BIRC3: variants seen among roughly 807,000 people sequenced by gnomAD.
BIRC3 encodes baculoviral IAP repeat containing 3.
Under a neutral mutation model 59.0 loss-of-function variants are expected in BIRC3, and 26 were observed. The observed-to-expected ratio is 0.44, with a 90% CI of 0.32 to 0.61. BIRC3 has a LOEUF of 0.61. Among genes scored for constraint, BIRC3 ranks in the 20% least tolerant of loss-of-function variants. The pLI is 0.04. For missense variants in BIRC3, 641 were observed against 711.5 expected, an observed-to-expected ratio of 0.90 and a Z score of 1.13; for synonymous variants, 243 against 249.2, an observed-to-expected ratio of 0.98 and a Z score of 0.24.
At chr11:102,331,854 T>C (rs1951145512) in intron 6 of BIRC3, among the ~76,000 whole-genome samples, 1 of 152,152 alleles carries the variant, frequency 6.6e-6, no homozygotes, top group African/African-American at 2.4e-5. Flanking sequence ...TTGGCCACAC[T>C]GGTCTCAAAC....
Position 102,323,271 on chromosome 11 carries a change from G to A in BIRC3, c.-1239G>A. On this transcript the variant is annotated 5_prime_UTR_variant, in exon 2 of 9. Transcript: ENST00000263464. ...TATCTTAAGAAAATTTTTAACAAAGGGAATGAAATATATATCATGATTCTG... is the reference window on the plus strand; with the variant it reads ...TATCTTAAGAAAATTTTTAACAAAGAGAATGAAATATATATCATGATTCTG... 1.0e-5 allele frequency: 2 copies of A among 194,572 alleles called. No individual in the cohort carries two copies. Among genetic ancestry groups the A allele is most frequent in the Admixed American group, 6.1e-5 (1 of 16,430 alleles). 12.1% of individuals were successfully genotyped at this position (194,572 alleles called of 1,614,324 possible).
rs1378127767 is a variant in BIRC3 at position 102,331,003 on chromosome 11, C to A, written c.1086C>A (p.Ile362=). Residue 362 remains isoleucine (I), a synonymous_variant, in exon 6 of 9, where the codon ATC becomes ATA. Transcript: ENST00000263464. ...TAAATTCTTTGTTCCATATAGTTATCCATTTTGAACCTGGAGAAGACCATT... is the reference window on the plus strand; with the variant it reads ...TAAATTCTTTGTTCCATATAGTTATACATTTTGAACCTGGAGAAGACCATT... ...PGDENAESSI[I]HFEPGEDHSE... 6.2e-7 allele frequency: 1 copy of A among 1,609,316 alleles called. No individual in the cohort carries two copies. Among genetic ancestry groups the A allele is most frequent in the Non-Finnish European group, 8.5e-7 (1 of 1,178,346 alleles).
chr11:102,320,586 T>A (rs992314421), intron 1 of BIRC3, among the ~76,000 whole-genome samples: 2 of 152,236 alleles, frequency 1.3e-5, no homozygotes, highest in East Asian at 1.9e-4. Context: ...CTCTTTTAAA[T>A]GAAAGCATAC....
intron 4 of BIRC3, among the ~76,000 whole-genome samples, chr11:102,328,580 G>GTA (rs1338478196): frequency 1.3e-5 from 2 of 152,032 alleles, no homozygotes; most frequent in Non-Finnish European, 2.9e-5. Flanking sequence ...CCCAGGGTAG[G>GTA]TAAGACCTGT....
At chr11:102,329,365 C>G (rs1951115960) in intron 5 of BIRC3, among the ~76,000 whole-genome samples, 1 of 152,136 alleles carries the variant, frequency 6.6e-6, no homozygotes, top group Non-Finnish European at 1.5e-5. Flanking sequence ...CGCTGAGGCT[C>G]AGAAAGGTTA....
At chr11:102,318,022 A>C in intron 1 of BIRC3, among the ~76,000 whole-genome samples, 1 of 152,304 alleles carries the variant, frequency 6.6e-6, no homozygotes, top group East Asian at 1.9e-4. Flanking sequence ...CTTCCTGGTG[A>C]TCAGCATGGA....
rs1951194203 is a variant in BIRC3, at chr11:102,336,141, A to C, written c.1500A>C (p.Leu500Phe). The C allele has an allele frequency of 3.1e-6, 5 of 1,613,920 alleles. No homozygotes were observed. The highest frequency in any genetic ancestry group is 1.7e-5 in the Admixed American group (1 of 60,016). ...CAAGAGAACTGATTGATACGATTTTAGTAAAAGGAAATATTGCAGCCACTG... is the reference window on the plus strand; with the variant it reads ...CAAGAGAACTGATTGATACGATTTTCGTAAAAGGAAATATTGCAGCCACTG... ...LQARELIDTI[L>F]VKGNIAATVF... Residue 500 changes from leucine to phenylalanine, a missense_variant, in exon 7 of 9, where the codon TTA becomes TTC. Transcript: ENST00000263464.
intron 6 of BIRC3, among the ~76,000 whole-genome samples, chr11:102,334,872 A>G (rs1565325080): frequency 1.3e-5 from 2 of 152,210 alleles, no homozygotes; most frequent in African/African-American, 2.4e-5. Flanking sequence ...CCTGCTTACT[A>G]TAAAATATTT....
At position 102,337,536 on chromosome 11, in the gene BIRC3, T is replaced by C; in HGVS notation, c.*434T>C. 1 of 390,226 alleles carries C rather than the reference T, an allele frequency of 2.6e-6. No homozygotes were observed. The highest frequency in any genetic ancestry group is 4.5e-6 in the Non-Finnish European group (1 of 220,994). The allele number at this position is 390,226 out of a possible 1,614,324, so 24.2% of individuals were successfully genotyped here. On this transcript the variant is annotated 3_prime_UTR_variant, in exon 9 of 9. Coordinates refer to ENST00000263464, the MANE Select transcript of BIRC3 (RefSeq NM_001165.5). Reference sequence around the variant, plus strand: ...TGAGCCCAGGAGTTTGAATCCATCCTGGGCAGCATACTGAGACCCTGCCTT... The same window carrying C: ...TGAGCCCAGGAGTTTGAATCCATCCCGGGCAGCATACTGAGACCCTGCCTT...
intron 6 of BIRC3, among the ~76,000 whole-genome samples, chr11:102,333,785 G>T (rs1367261275): frequency 6.6e-6 from 1 of 151,934 alleles, no homozygotes; most frequent in Non-Finnish European, 1.5e-5. Flanking sequence ...TTTTATGGAA[G>T]AATGATACTT....
chr11:102,328,765 TGCCAGTAA>T (rs2135787133), intron 4 of BIRC3, 124 bp from the exon 5 acceptor site: 1 of 273,816 alleles, frequency 3.7e-6, no homozygotes, highest in East Asian at 9.3e-5. Flanking sequence ...AAAATTATTT[TGCCAGTAA>T]GCAAGTGGTT....
chr11:102,330,610 T>G (rs1951128879), intron 5 of BIRC3, among the ~76,000 whole-genome samples: 1 of 152,236 alleles, frequency 6.6e-6, no homozygotes, highest in Non-Finnish European at 1.5e-5. Flanking sequence ...GAAGCAATAT[T>G]TTATAACCAT....
intron 6 of BIRC3, among the ~76,000 whole-genome samples, chr11:102,331,446 G>A (rs759510929): frequency 6.6e-6 from 1 of 152,072 alleles, no homozygotes; most frequent in Non-Finnish European, 1.5e-5. Context: ...AATGTATGAT[G>A]TACAAAAGTA....
At chr11:102,318,363 T>C (rs1200606677) in intron 1 of BIRC3, among the ~76,000 whole-genome samples, 2 of 152,326 alleles carry the variant, frequency 1.3e-5, no homozygotes, top group Admixed American at 6.5e-5. Flanking sequence ...CAAAGCCTGA[T>C]ACTAATCAAT....
Position 102,328,880 on chromosome 11 carries a change from ATT to A in BIRC3, c.1033-8_1033-7del, listed in dbSNP as rs762000514. On this transcript the variant is annotated splice_polypyrimidine_tract_variant and intron_variant, in intron 4 of 8. Coordinates refer to ENST00000263464, the MANE Select transcript of BIRC3 (RefSeq NM_001165.5). ...AATTTATATATATATATATATATATATTTTTTTTTTCTGCAGCTGCTATCCAC... is the reference window on the plus strand; with the variant it reads ...AATTTATATATATATATATATATATATTTTTTTTCTGCAGCTGCTATCCAC... The A allele has an allele frequency of 2.5e-3, 1,053 of 426,242 alleles. 9 individuals are homozygous for A. Among genetic ancestry groups the A allele is most frequent in the African/African-American group, 0.022 (457 of 21,084 alleles). The allele number at this position is 426,242 out of a possible 1,614,324, so 26.4% of individuals were successfully genotyped here.
intron 6 of BIRC3, among the ~76,000 whole-genome samples, chr11:102,331,871 C>T (rs956297984): frequency 2.6e-5 from 4 of 152,144 alleles, no homozygotes; most frequent in Non-Finnish European, 4.4e-5. Flanking sequence ...AAACTCCTGA[C>T]CTCAAGTGAT....
At chr11:102,318,278 T>A (rs2135779706) in intron 1 of BIRC3, among the ~76,000 whole-genome samples, 1 of 152,286 alleles carries the variant, frequency 6.6e-6, no homozygotes, top group Admixed American at 6.5e-5. Context: ...CTGAGGCTCT[T>A]GGAGATTTAC....
intron 6 of BIRC3, 65 bp from the exon 7 acceptor site, chr11:102,335,901 A>G (rs977150067): frequency 4.1e-6 from 6 of 1,480,174 alleles, no homozygotes; most frequent in Middle Eastern, 2.5e-4. Flanking sequence ...CTATATATAT[A>G]GGACTGGAAG....
At chr11:102,330,314 G>GAGTTGCTGTATCA (rs1951126453) in intron 5 of BIRC3, among the ~76,000 whole-genome samples, 1 of 152,162 alleles carries the variant, frequency 6.6e-6, no homozygotes, top group Non-Finnish European at 1.5e-5. Flanking sequence ...GATAAATCAG[G>GAGTTGCTGTATCA]GAAGCAGGCC....
Sources: gnomAD v4.1 joint callset for allele counts (sites outside exome capture counted in the v4.1 genomes callset) on GRCh38, gnomAD v4.1.1 for gene constraint, MANE v1.5 for transcripts, NCBI Gene and HGNC (gene_info 2026-07-23, HGNC 2026-07-21) for gene names.